DMXL2: variants seen among roughly 807,000 people sequenced by gnomAD.
The protein encoded by DMXL2 is Dmx like 2.
DMXL2 carries 103 observed loss-of-function variants against 331.1 expected under a neutral mutation model. The observed-to-expected ratio is 0.31, with a 90% CI of 0.27 to 0.37. The LOEUF is 0.37. Ranked by LOEUF, DMXL2 falls within the 10% of genes least tolerant of loss-of-function variation. The pLI, the probability that DMXL2 is intolerant of heterozygous loss-of-function variation, is 1.00. For synonymous variants in DMXL2, 1,281 were observed against 1,252.1 expected (o/e 1.02, Z -0.49); for missense variants, 3,171 against 3,642.9 (o/e 0.87, Z 3.33).
At chr15:51,574,919 T>C (rs1354452342) in intron 2 of DMXL2, among the ~76,000 whole-genome samples, 1 of 152,208 alleles carries the variant, frequency 6.6e-6, no homozygotes, top group African/African-American at 2.4e-5. Context: ...CATACAACTT[T>C]AGGCAGGCTT....
chr15:51,471,102 C>T (rs553969394), intron 29 of DMXL2, 121 bp downstream of exon 29: 25 of 880,416 alleles, frequency 2.8e-5, no homozygotes, highest in African/African-American at 2.7e-4. Flanking sequence ...ATAAATTAAA[C>T]GTCTAAACTA....
intron 13 of DMXL2, among the ~76,000 whole-genome samples, chr15:51,529,001 G>A (rs2047846045): frequency 6.6e-6 from 1 of 152,046 alleles, no homozygotes; most frequent in African/African-American, 2.4e-5. Context: ...ATATGCTCCT[G>A]AATGACAAGT....
chr15:51,607,846 A>G (rs2141372930), intron 1 of DMXL2, among the ~76,000 whole-genome samples: 1 of 152,332 alleles, frequency 6.6e-6, no homozygotes. Context: ...AAACACTGCC[A>G]TGCTCTACCT....
At chr15:51,517,798 G>A (rs1207124021) in intron 13 of DMXL2, among the ~76,000 whole-genome samples, 1 of 152,168 alleles carries the variant, frequency 6.6e-6, no homozygotes, top group Non-Finnish European at 1.5e-5. Flanking sequence ...AGGGGTTAGA[G>A]GCTAGCTTCG....
At chr15:51,516,254 C>T (rs1483295755) in intron 14 of DMXL2, among the ~76,000 whole-genome samples, 1 of 152,156 alleles carries the variant, frequency 6.6e-6, no homozygotes, top group African/African-American at 2.4e-5. Context: ...AACAAATATC[C>T]TGAGGGCTAA....
chr15:51,578,581 T>C (rs1384371043), intron 1 of DMXL2, among the ~76,000 whole-genome samples: 1 of 152,208 alleles, frequency 6.6e-6, no homozygotes, highest in Non-Finnish European at 1.5e-5. Flanking sequence ...AAAATCTACA[T>C]GGATAAAATA....
At chr15:51,459,823 A>T in intron 33 of DMXL2, 163 bp from the exon 34 acceptor site, 1 of 1,186,276 alleles carries the variant, frequency 8.4e-7, no homozygotes, top group South Asian at 1.6e-5. Context: ...CAGTCATCAA[A>T]TAAACACAAC....
At chr15:51,540,212 T>C (rs2048512101) in intron 9 of DMXL2, among the ~76,000 whole-genome samples, 1 of 152,136 alleles carries the variant, frequency 6.6e-6, no homozygotes, top group African/African-American at 2.4e-5. Context: ...TTTTTGACAA[T>C]TGAGAAAGGG....
intron 13 of DMXL2, among the ~76,000 whole-genome samples, chr15:51,517,385 T>C (rs1237291934): frequency 1.3e-5 from 2 of 152,212 alleles, no homozygotes; most frequent in East Asian, 1.9e-4. Context: ...AAATAGCATA[T>C]AACTTCAAGG....
intron 37 of DMXL2, 96 bp from the exon 38 acceptor site, chr15:51,456,465 CCTTG>C: frequency 1.3e-6 from 1 of 765,922 alleles, no homozygotes; most frequent in Non-Finnish European, 2.1e-6. Flanking sequence ...TTCTCTTACA[CCTTG>C]CTTATTACTG....
intron 1 of DMXL2, among the ~76,000 whole-genome samples, chr15:51,621,318 A>C (rs560210106): frequency 6.6e-6 from 1 of 152,268 alleles, no homozygotes; most frequent in Non-Finnish European, 1.5e-5. Context: ...GCACTGCTAC[A>C]TAATGATTCT....
In DMXL2 at chr15:51,562,260, T is replaced by C. The variant is rs150504738; in HGVS notation, c.567+1121A>G. ...ATATCAATTAAAAAGTTTATTGAGA[T>C]ATAATATCGAAGGTCAGTGATTTTT... On this transcript the variant is annotated intron_variant, in intron 6 of 43. Transcript: ENST00000560891. Among the ~76,000 whole-genome samples, 671 of 152,196 alleles carry C rather than the reference T, an allele frequency of 4.4e-3. 7 individuals carry two copies. Among genetic ancestry groups the C allele is most frequent in the African/African-American group, 0.015 (633 of 41,522 alleles).
chr15:51,620,107 T>C (rs975248188), intron 1 of DMXL2, among the ~76,000 whole-genome samples: 10 of 152,262 alleles, frequency 6.6e-5, no homozygotes, highest in African/African-American at 9.6e-5. Context: ...TTTACAAACA[T>C]AGGAACTTAA....
chr15:51,503,158 T>C, intron 16 of DMXL2, 125 bp from the exon 17 acceptor site: 2 of 711,268 alleles, frequency 2.8e-6, no homozygotes, highest in Non-Finnish European at 4.5e-6. Flanking sequence ...GGTGAGGATA[T>C]AGAGAAAAGA....
chr15:51,495,147 C>G lies in DMXL2; in HGVS notation c.4673-13G>C. 5.1e-6 allele frequency: 8 copies of G among 1,572,334 alleles called. No individual in the cohort carries two copies. The highest frequency in any genetic ancestry group is 7.0e-6 in the Non-Finnish European group (8 of 1,143,742). On this transcript the variant is annotated splice_polypyrimidine_tract_variant and intron_variant, in intron 18 of 43. Transcript: ENST00000560891. ...AATGTATCTCTTCCTGTAATTTAAA[C>G]AGGAAATATGTTTAAGGAAAAAAGA... is the stretch of plus-strand genomic sequence containing the variant.
rs1261453652 is a variant in DMXL2, at chr15:51,499,505, G to A, written c.3719C>T (p.Ser1240Phe). The change falls in exon 18 of 44, where the codon TCT becomes TTT. Residue 1240 changes from serine (S) to phenylalanine (F), a missense_variant. Ser to Phe is a radical substitution (Grantham distance 155, BLOSUM62 -2). This residue lies in a region of DMXL2 where 1,674 missense variants were observed against 1,780.2 expected (regional missense o/e 0.94). Transcript: ENST00000560891. ...CAGTGAAGGAGTACCATCAACAGAA[G>A]ATACCAAGTCTATAGATCTAAGAAG... Reference protein sequence around the residue: ...WVLLRSIDLVSSVDGTPSLPV... With the variant: ...WVLLRSIDLVFSVDGTPSLPV... 1.2e-6 allele frequency: 2 copies of A among 1,614,098 alleles called. No individual in the cohort carries two copies. The highest frequency in any genetic ancestry group is 2.7e-5 in the African/African-American group (2 of 75,040).
chr15:51,497,290 G>C (rs2043252758), intron 18 of DMXL2, among the ~76,000 whole-genome samples: 1 of 152,160 alleles, frequency 6.6e-6, no homozygotes, highest in African/African-American at 2.4e-5. Flanking sequence ...TATATGAAGA[G>C]ATATTTTCCA....
chr15:51,593,630 C>T (rs538225434), intron 1 of DMXL2, among the ~76,000 whole-genome samples: 2 of 152,146 alleles, frequency 1.3e-5, no homozygotes, highest in East Asian at 1.9e-4. Context: ...CAGCACAACA[C>T]CGCACTTATT....
At chr15:51,533,307 C>A (rs1596153364) in intron 13 of DMXL2, among the ~76,000 whole-genome samples, 1 of 152,080 alleles carries the variant, frequency 6.6e-6, no homozygotes, top group Admixed American at 6.5e-5. Context: ...AGGTGTGAGT[C>A]ACCGTGCCTG....
Sources: allele counts gnomAD v4.1 joint callset (sites outside exome capture counted in the v4.1 genomes callset), GRCh38; gene constraint gnomAD v4.1.1; regional missense constraint gnomAD v4.1.1; transcripts MANE v1.5; gene names NCBI Gene and HGNC (gene_info 2026-07-23, HGNC 2026-07-21).